The following TRDN variants were observed in gnomAD, a reference collection of about 807,000 sequenced individuals.
The protein encoded by TRDN is triadin.
Under a neutral mutation model 149.7 loss-of-function variants are expected in TRDN, and 161 were observed. That is an observed-to-expected ratio of 1.08 (90% CI 0.95 to 1.23). The LOEUF is 1.23. Ranked by LOEUF, TRDN falls within the 50% of genes most tolerant of loss-of-function variation. The pLI is 0.00. For synonymous variants in TRDN, 294 were observed against 250.5 expected, an observed-to-expected ratio of 1.17 and a Z score of -1.64; for missense variants, 896 against 823.5, an observed-to-expected ratio of 1.09 and a Z score of -1.08.
At chr6:123,231,622 C>T (rs1775604894) in intron 38 of TRDN, among the ~76,000 whole-genome samples, 2 of 151,826 alleles carry the variant, frequency 1.3e-5, no homozygotes, top group East Asian at 1.9e-4. Flanking sequence ...AGAATTTATT[C>T]CAAATTTACA....
intron 9 of TRDN, among the ~76,000 whole-genome samples, chr6:123,473,495 A>G (rs1777296912): frequency 6.6e-6 from 1 of 152,092 alleles, no homozygotes; most frequent in Non-Finnish European, 1.5e-5. Flanking sequence ...GATGGGGAGA[A>G]TGGAACCAAG....
Position 123,323,107 on chromosome 6 carries a change from C to A in TRDN, c.1472-6612G>T, listed in dbSNP as rs369510085. On this transcript the variant is annotated intron_variant, in intron 23 of 40. Transcript: ENST00000334268. ...TGCTGTTTCAAAATGACAGGAAAAT[C>A]AAAATGCTAACTTCATTTTTAGGGT... 4.6e-5 allele frequency among the ~76,000 whole-genome samples: 7 copies of A among 152,048 alleles called. No homozygotes were observed. The South Asian group carries it at 1.5e-3, about 32-fold the overall frequency.
chr6:123,372,081 CAACT>C (rs1781346659), intron 19 of TRDN, among the ~76,000 whole-genome samples: 1 of 152,018 alleles, frequency 6.6e-6, no homozygotes, highest in Non-Finnish European at 1.5e-5. Context: ...GGTCTAGAGA[CAACT>C]CATTTTATAT....
At chr6:123,599,796 C>T (rs1455530096) in intron 1 of TRDN, among the ~76,000 whole-genome samples, 1 of 151,806 alleles carries the variant, frequency 6.6e-6, no homozygotes, top group Admixed American at 6.6e-5. Context: ...AAACTCTAGA[C>T]ATCCTCACAC....
At chr6:123,289,444 A>T (rs1276972574) in intron 24 of TRDN, among the ~76,000 whole-genome samples, 1 of 152,034 alleles carries the variant, frequency 6.6e-6, no homozygotes, top group Non-Finnish European at 1.5e-5. Flanking sequence ...AATAATAATG[A>T]GGTAGGGGGC....
intron 35 of TRDN, among the ~76,000 whole-genome samples, chr6:123,256,590 G>T (rs1268305711): frequency 1.3e-5 from 2 of 151,658 alleles, no homozygotes; most frequent in South Asian, 2.1e-4. Flanking sequence ...GTGATGATGA[G>T]CTTTTTAAAA....
In TRDN at chr6:123,588,013, G is replaced by C. The variant is rs528359653; in HGVS notation, c.23-16881C>G. On this transcript the variant is annotated intron_variant, in intron 1 of 40. Transcript: ENST00000334268. ...TTGGGCTCAGAGGCCTGACAATGGA[G>C]ATCAAGTTTCTTATTATGTAAGTGA... Among the ~76,000 whole-genome samples the C allele has an allele frequency of 3.5e-4, 53 of 152,264 alleles. 1 individual carries two copies. Among genetic ancestry groups the C allele is most frequent in the Non-Finnish European group, 1.6e-4 (11 of 68,032 alleles).
In TRDN at chr6:123,304,252, C is replaced by CT. The variant is rs71649806; in HGVS notation, c.1510+12204dup. On this transcript the variant is annotated intron_variant, in intron 24 of 40. Coordinates refer to ENST00000334268, the MANE Select transcript of TRDN (RefSeq NM_006073.4). ...ATGAATATTAATTTTCTTTTATTTT[C>CT]TTTTTTTTTTTTTTTTTTTGAGACG... Among the ~76,000 whole-genome samples the CT allele has an allele frequency of 5.2e-3, 664 of 128,908 alleles. 9 individuals are homozygous for CT. The highest frequency in any genetic ancestry group is 7.2e-3 in the Non-Finnish European group (439 of 60,608). 84.6% of individuals were successfully genotyped at this position (128,908 alleles called of 152,430 possible).
intron 23 of TRDN, among the ~76,000 whole-genome samples, chr6:123,318,057 G>T (rs1187770729): frequency 6.6e-6 from 1 of 151,900 alleles, no homozygotes; most frequent in Non-Finnish European, 1.5e-5. Context: ...GGGTTTCCTG[G>T]TGCTATGTTT....
intron 4 of TRDN, among the ~76,000 whole-genome samples, chr6:123,545,069 T>A (rs1352075892): frequency 6.6e-6 from 1 of 151,952 alleles, no homozygotes; most frequent in East Asian, 1.9e-4. Flanking sequence ...TTTAGGTAGA[T>A]ATAGGGCAGT....
intron 35 of TRDN, among the ~76,000 whole-genome samples, chr6:123,258,108 T>A (rs1776627695): frequency 6.6e-6 from 1 of 152,226 alleles, no homozygotes; most frequent in South Asian, 2.1e-4. Context: ...CCTCTCTTCC[T>A]ATTTCAGTAC....
chr6:123,497,698 A>G (rs995368063), intron 8 of TRDN, among the ~76,000 whole-genome samples: 10 of 152,140 alleles, frequency 6.6e-5, no homozygotes, highest in African/African-American at 1.4e-4. Context: ...AATTGTCTCT[A>G]TGGAGCAGCA....
Position 123,299,848 on chromosome 6 carries a change from G to A in TRDN, c.1510+16609C>T, listed in dbSNP as rs75737656. On this transcript the variant is annotated intron_variant, in intron 24 of 40. Transcript: ENST00000334268. ...AATGAAAAAAGGAGATTGAGAATAGGTTCAAATAATGAAAAACTAATATAT... is the reference window on the plus strand; with the variant it reads ...AATGAAAAAAGGAGATTGAGAATAGATTCAAATAATGAAAAACTAATATAT... Among the ~76,000 whole-genome samples the A allele has an allele frequency of 3.1e-3, 466 of 151,988 alleles. 16 individuals carry two copies. In the East Asian group the frequency reaches 0.076, roughly 25 times the overall value.
chr6:123,225,367 G>A lies in TRDN; in HGVS notation c.1976-1236C>T, dbSNP rs1775315551. On this transcript the variant is annotated intron_variant, in intron 38 of 40. Coordinates refer to ENST00000334268, the MANE Select transcript of TRDN (RefSeq NM_006073.4). Reference sequence around the variant, plus strand: ...TGTTTATTTATTTATTTTACCACTAGACAATAGTCATCCTCAACATATTTA... The same window carrying A: ...TGTTTATTTATTTATTTTACCACTAAACAATAGTCATCCTCAACATATTTA... Among the ~76,000 whole-genome samples, 3 of 151,582 alleles carry A rather than the reference G, an allele frequency of 2.0e-5. No individual in the cohort carries two copies. In the South Asian group the frequency reaches 6.2e-4, roughly 31 times the overall value.
At chr6:123,347,188 G>T (rs570380852) in intron 21 of TRDN, among the ~76,000 whole-genome samples, 10 of 152,100 alleles carry the variant, frequency 6.6e-5, no homozygotes, top group Admixed American at 1.3e-4. Flanking sequence ...AGCCAAACTT[G>T]TTCCTGCCAT....
At chr6:123,551,342 TACACACACACACAC>T (rs10638140) in intron 2 of TRDN, among the ~76,000 whole-genome samples, 1 of 141,102 alleles carries the variant, frequency 7.1e-6, no homozygotes, top group Non-Finnish European at 1.6e-5. Flanking sequence ...AAAACCTAAA[TACACACACACACAC>T]ACACACACAC....
At position 123,326,090 on chromosome 6, in the gene TRDN, G is replaced by C. The variant is rs190237120; in HGVS notation, c.1471+5789C>G. On this transcript the variant is annotated intron_variant, in intron 23 of 40. Coordinates refer to ENST00000334268, the MANE Select transcript of TRDN (RefSeq NM_006073.4). Reference sequence around the variant, plus strand: ...TTGGTAGTACTCATGTTAAGAAGAAGGTTTAGGGTTCCTCAATTTTGAGAC... The same window carrying C: ...TTGGTAGTACTCATGTTAAGAAGAACGTTTAGGGTTCCTCAATTTTGAGAC... 8.5e-5 allele frequency among the ~76,000 whole-genome samples: 13 copies of C among 152,184 alleles called. No individual in the cohort carries two copies. In the East Asian group the frequency reaches 2.1e-3, roughly 25 times the overall value.
intron 8 of TRDN, chr6:123,498,596 G>C (rs1184423304): frequency 4.2e-6 from 2 of 470,942 alleles, no homozygotes; most frequent in East Asian, 7.0e-5. Flanking sequence ...TTTGCCCTTT[G>C]ATGTACTGGC....
At chr6:123,602,582 AAACT>A (rs1379105183) in intron 1 of TRDN, among the ~76,000 whole-genome samples, 1 of 152,100 alleles carries the variant, frequency 6.6e-6, no homozygotes, top group East Asian at 1.9e-4. Context: ...TATTGAAATA[AAACT>A]AAAAAATGAG....
Sources: allele counts gnomAD v4.1 joint callset (sites outside exome capture counted in the v4.1 genomes callset), GRCh38; gene constraint gnomAD v4.1.1; transcripts MANE v1.5; gene names NCBI Gene and HGNC (gene_info 2026-07-23, HGNC 2026-07-21).